Variants in PRKCA observed in about 807,000 individuals in gnomAD.
PRKCA encodes protein kinase C alpha.
PRKCA carries 27 observed loss-of-function variants against 87.0 expected under a neutral mutation model. The observed-to-expected ratio is 0.31, with a 90% confidence interval of 0.23 to 0.43. The LOEUF (loss-of-function observed/expected upper bound fraction) is 0.43. Ranked by LOEUF, PRKCA falls within the 20% of genes least tolerant of loss-of-function variation. The pLI is 1.00. For synonymous variants in PRKCA, 329 were observed against 311.1 expected (o/e 1.06, Z -0.61); for missense variants, 518 against 852.3 (o/e 0.61, Z 4.88).
intron 14 of PRKCA, chr17:66,775,092 A>C: frequency 1.0e-6 from 1 of 985,462 alleles, no homozygotes; most frequent in Non-Finnish European, 1.2e-6. Flanking sequence ...AGGAGGAATT[A>C]GTGGAGAAAT....
chr17:66,449,552 T>A (rs1914207138), intron 2 of PRKCA, among the ~76,000 whole-genome samples: 1 of 152,180 alleles, frequency 6.6e-6, no homozygotes, highest in Non-Finnish European at 1.5e-5. Context: ...ATCTTCACGA[T>A]CCCTAGCACA....
At chr17:66,430,215 C>T (rs1173081291) in intron 2 of PRKCA, among the ~76,000 whole-genome samples, 5 of 152,128 alleles carry the variant, frequency 3.3e-5, no homozygotes, top group East Asian at 3.9e-4. Flanking sequence ...AACAGTCTCC[C>T]GCCTTTCCCC....
intron 3 of PRKCA, among the ~76,000 whole-genome samples, chr17:66,505,943 G>A (rs184793216): frequency 2.0e-3 from 306 of 152,222 alleles, no homozygotes; most frequent in African/African-American, 6.6e-3. Context: ...ATCCTCCTGC[G>A]TAGCTGGGGA....
chr17:66,305,667 C>T (rs1316540081), intron 1 of PRKCA, among the ~76,000 whole-genome samples: 1 of 152,206 alleles, frequency 6.6e-6, no homozygotes, highest in Admixed American at 6.5e-5. Context: ...AAAGAAGCCA[C>T]TTTGTTATCT....
At chr17:66,394,226 C>G (rs1910532651) in intron 2 of PRKCA, among the ~76,000 whole-genome samples, 2 of 152,230 alleles carry the variant, frequency 1.3e-5, no homozygotes, top group Admixed American at 1.3e-4. Context: ...CCCACAGAAG[C>G]TGTGACATGG....
At chr17:66,350,941 G>A (rs146842265) in intron 2 of PRKCA, among the ~76,000 whole-genome samples, 1,524 of 152,306 alleles carry the variant, frequency 0.01, 9 homozygotes, top group Non-Finnish European at 0.013. Context: ...TGTGGAACTC[G>A]CAGCGTTCTT....
rs76004054 is a variant in PRKCA at position 66,535,455 on chromosome 17, T to C, written c.288+39172T>C. 6.6e-3 allele frequency among the ~76,000 whole-genome samples: 1,001 copies of C among 152,280 alleles called. 10 individuals carry two copies. Among genetic ancestry groups the C allele is most frequent in the African/African-American group, 0.023 (940 of 41,556 alleles). On this transcript the variant is annotated intron_variant, in intron 3 of 16. Transcript: ENST00000413366. The stretch of plus-strand genomic sequence containing the variant: ...ACACAAATGTGCAGTGCAGCTTCTT[T>C]AACCTGCTCCATCTTGGACCCAAAT...
At chr17:66,690,433 C>CAAGAA (rs1972747604) in intron 8 of PRKCA, among the ~76,000 whole-genome samples, 1 of 152,140 alleles carries the variant, frequency 6.6e-6, no homozygotes, top group East Asian at 1.9e-4. Context: ...CAGGCGAGTC[C>CAAGAA]AGGCCCTCTA....
intron 3 of PRKCA, among the ~76,000 whole-genome samples, chr17:66,497,287 C>G (rs890644131): frequency 1.3e-5 from 2 of 152,014 alleles, no homozygotes; most frequent in Non-Finnish European, 2.9e-5. Flanking sequence ...CACCTGAGGT[C>G]GAGAGTTCAA....
intron 2 of PRKCA, among the ~76,000 whole-genome samples, chr17:66,437,787 G>A (rs891767809): frequency 1.9e-4 from 28 of 144,930 alleles, no homozygotes; most frequent in African/African-American, 5.9e-4. Context: ...GCAAAAATGA[G>A]TTGGATATTT....
chr17:66,478,321 C>T (rs1489947995), intron 2 of PRKCA, among the ~76,000 whole-genome samples: 1 of 152,052 alleles, frequency 6.6e-6, no homozygotes, highest in Non-Finnish European at 1.5e-5. Flanking sequence ...GTGGCACAAT[C>T]GCAGCTCACC....
chr17:66,640,332 C>T (rs972118268), intron 3 of PRKCA, among the ~76,000 whole-genome samples: 1 of 152,124 alleles, frequency 6.6e-6, no homozygotes, highest in Non-Finnish European at 1.5e-5. Context: ...TCTTCCCTAT[C>T]CATAATCTGT....
intron 3 of PRKCA, among the ~76,000 whole-genome samples, chr17:66,533,752 G>A (rs1395590496): frequency 9.2e-5 from 14 of 152,176 alleles, no homozygotes; most frequent in Non-Finnish European, 2.9e-5. Flanking sequence ...CTGCAAGGCT[G>A]TTGTTGACTC....
At chr17:66,515,449 A>G (rs1183909806) in intron 3 of PRKCA, among the ~76,000 whole-genome samples, 3 of 152,174 alleles carry the variant, frequency 2.0e-5, no homozygotes, top group Admixed American at 2.0e-4. Flanking sequence ...ACATGACGTC[A>G]TGACAGGTTT....
At chr17:66,559,479 CAA>C (rs34998780) in intron 3 of PRKCA, among the ~76,000 whole-genome samples, 486 of 36,562 alleles carry the variant, frequency 0.013, 2 homozygotes, top group African/African-American at 0.062. Flanking sequence ...TCTGTCTCAC[CAA>C]AAAAAAAAAA....
At chr17:66,480,108 T>G (rs1282759203) in intron 2 of PRKCA, among the ~76,000 whole-genome samples, 1 of 152,142 alleles carries the variant, frequency 6.6e-6, no homozygotes, top group Admixed American at 6.5e-5. Flanking sequence ...GGAAAGGTAA[T>G]ATATTTGTTT....
At chr17:66,420,196 A>G (rs1001831799) in intron 2 of PRKCA, among the ~76,000 whole-genome samples, 2 of 151,768 alleles carry the variant, frequency 1.3e-5, no homozygotes, top group Non-Finnish European at 2.9e-5. Flanking sequence ...TTTTTAGTAG[A>G]GACGGAGTTT....
At chr17:66,316,869 G>C (rs1383705464) in intron 2 of PRKCA, among the ~76,000 whole-genome samples, 3 of 152,136 alleles carry the variant, frequency 2.0e-5, no homozygotes, top group African/African-American at 7.2e-5. Flanking sequence ...GCAGCCGGGC[G>C]TGGTGGCTCA....
At chr17:66,517,258 T>TG (rs1357439860) in intron 3 of PRKCA, among the ~76,000 whole-genome samples, 3 of 152,292 alleles carry the variant, frequency 2.0e-5, no homozygotes, top group Admixed American at 6.5e-5. Flanking sequence ...CACTCCAGCC[T>TG]GGCGACAGAG....
Sources: allele counts gnomAD v4.1 joint callset (sites outside exome capture counted in the v4.1 genomes callset), GRCh38; gene constraint gnomAD v4.1.1; transcripts MANE v1.5; gene names NCBI Gene and HGNC (gene_info 2026-07-23, HGNC 2026-07-21).